Variants in UNC5D observed in about 807,000 individuals in gnomAD.
UNC5D encodes unc-5 netrin receptor D, also known as netrin receptor UNC5D.
In UNC5D, 39 loss-of-function variants were observed where a neutral mutation model predicts 105.4. The observed-to-expected ratio is 0.37, with a 90% confidence interval of 0.29 to 0.48. The LOEUF (loss-of-function observed/expected upper bound fraction) is 0.48. Among genes scored for constraint, UNC5D ranks in the 20% least tolerant of loss-of-function variants. The probability of loss-of-function intolerance (pLI) is 0.98; values close to 1 mark genes in which losing one functional copy is unlikely to be tolerated. For missense variants in UNC5D, 991 were observed against 1,202.4 expected (o/e 0.82, Z 2.60); for synonymous variants, 452 against 450.4 (o/e 1.00, Z -0.04).
chr8:35,507,193 C>T (rs1812374188), intron 1 of UNC5D, among the ~76,000 whole-genome samples: 1 of 149,602 alleles, frequency 6.7e-6, no homozygotes, highest in African/African-American at 2.5e-5. Context: ...GTAGCTGGGA[C>T]TACAGGCGCC....
chr8:35,264,068 C>T (rs1268136751), intron 1 of UNC5D, among the ~76,000 whole-genome samples: 1 of 151,978 alleles, frequency 6.6e-6, no homozygotes, highest in East Asian at 1.9e-4. Flanking sequence ...TTGTTTGGTC[C>T]AGGCAAAAAA....
intron 1 of UNC5D, among the ~76,000 whole-genome samples, chr8:35,312,394 C>G (rs191022759): frequency 6.6e-6 from 1 of 152,292 alleles, no homozygotes; most frequent in Non-Finnish European, 1.5e-5. Flanking sequence ...CAAGATAAAA[C>G]AGCATTGCTT....
At chr8:35,659,125 T>A (rs929472812) in intron 4 of UNC5D, among the ~76,000 whole-genome samples, 2 of 152,162 alleles carry the variant, frequency 1.3e-5, no homozygotes, top group African/African-American at 4.8e-5. Context: ...TTTGTTATAG[T>A]TTTTTTCCCC....
Position 35,662,026 on chromosome 8 carries a change from A to G in UNC5D, c.571-21521A>G, listed in dbSNP as rs371902383. Among the ~76,000 whole-genome samples the G allele has an allele frequency of 3.5e-4, 54 of 152,274 alleles. 1 individual carries two copies. The South Asian group carries it at 7.7e-3, about 22-fold the overall frequency. ...GCCAACATTATCTTCTCACAGGAAA[A>G]AATAGCAATGGGTTGCAAAATACAT... On this transcript the variant is annotated intron_variant, in intron 4 of 16. Transcript: ENST00000404895.
rs566142895 is a variant in UNC5D at position 35,590,033 on chromosome 8, G to T, written c.467-5521G>T. On this transcript the variant is annotated intron_variant, in intron 3 of 16. Transcript: ENST00000404895. ...TGCAAGAGGAAGGACATATATTGAT[G>T]GTTCCAAAATTTGACATTTCTTGAA... 4.6e-5 allele frequency among the ~76,000 whole-genome samples: 7 copies of T among 151,930 alleles called. No individual in the cohort carries two copies. In the East Asian group the frequency reaches 5.8e-4, roughly 13 times the overall value.
At position 35,650,334 on chromosome 8, in the gene UNC5D, C is replaced by G. The variant is rs927113019; in HGVS notation, c.571-33213C>G. Among the ~76,000 whole-genome samples, 3 of 152,102 alleles carry G rather than the reference C, an allele frequency of 2.0e-5. No individual in the cohort carries two copies. The East Asian group carries it at 5.8e-4, about 29-fold the overall frequency. ...CTCTGAGGTCATATACTGTGGGTGT[C>G]AGGAGCCTCCCTTAGCCCTGAAGCA... On this transcript the variant is annotated intron_variant, in intron 4 of 16. Transcript: ENST00000404895.
At chr8:35,483,219 C>T (rs1207238662) in intron 1 of UNC5D, among the ~76,000 whole-genome samples, 1 of 152,020 alleles carries the variant, frequency 6.6e-6, no homozygotes, top group Non-Finnish European at 1.5e-5. Context: ...TATATGGTTA[C>T]AGCACAGGGT....
At chr8:35,377,866 A>G (rs1202198634) in intron 1 of UNC5D, among the ~76,000 whole-genome samples, 1 of 152,200 alleles carries the variant, frequency 6.6e-6, no homozygotes, top group Non-Finnish European at 1.5e-5. Context: ...GAGATAAGTC[A>G]TCAGTCTGTG....
At chr8:35,703,093 C>G (rs1282660014) in intron 7 of UNC5D, among the ~76,000 whole-genome samples, 5 of 151,816 alleles carry the variant, frequency 3.3e-5, no homozygotes, top group African/African-American at 1.2e-4. Flanking sequence ...GAACTAGATA[C>G]AAGTTTTAAC....
intron 1 of UNC5D, among the ~76,000 whole-genome samples, chr8:35,379,839 T>C (rs1462128077): frequency 6.6e-6 from 1 of 151,974 alleles, no homozygotes; most frequent in African/African-American, 2.4e-5. Flanking sequence ...ACAAGGTATG[T>C]TTTGATATAT....
chr8:35,373,481 T>G (rs1277131758), intron 1 of UNC5D, among the ~76,000 whole-genome samples: 6 of 152,342 alleles, frequency 3.9e-5, no homozygotes, highest in African/African-American at 1.4e-4. Context: ...TGCTAGTTAA[T>G]AAACATCACA....
At position 35,284,663 on chromosome 8, in the gene UNC5D, TC is replaced by T. The variant is rs1482255454; in HGVS notation, c.103+48778del. On this transcript the variant is annotated intron_variant, in intron 1 of 16. Coordinates refer to ENST00000404895, the MANE Select transcript of UNC5D (RefSeq NM_080872.4). ...TCCGCCTCCCAGGTTCACGCCATTC[TC>T]CTGCCTCAGCCTCCTGGATAGCTGA... 9.2e-5 allele frequency among the ~76,000 whole-genome samples: 14 copies of T among 152,136 alleles called. 1 individual carries two copies. The highest frequency in any genetic ancestry group is 5.9e-4 in the Admixed American group (9 of 15,268).
At chr8:35,697,002 T>G (rs1218640266) in intron 7 of UNC5D, among the ~76,000 whole-genome samples, 1 of 152,150 alleles carries the variant, frequency 6.6e-6, no homozygotes, top group Non-Finnish European at 1.5e-5. Context: ...TTAACTAGTG[T>G]GTTACCTTGG....
chr8:35,497,102 A>C (rs955757340), intron 1 of UNC5D, among the ~76,000 whole-genome samples: 1 of 152,178 alleles, frequency 6.6e-6, no homozygotes, highest in Non-Finnish European at 1.5e-5. Flanking sequence ...GTGTATTTTT[A>C]TGCTAGGTTT....
At chr8:35,549,201 G>A (rs1815919908) in intron 1 of UNC5D, 91 bp from the exon 2 acceptor site, 1 of 1,196,468 alleles carries the variant, frequency 8.4e-7, no homozygotes. Flanking sequence ...CTCCAGCACA[G>A]AATCTTAGAG....
At chr8:35,513,172 C>G (rs1812872363) in intron 1 of UNC5D, among the ~76,000 whole-genome samples, 1 of 151,802 alleles carries the variant, frequency 6.6e-6, no homozygotes, top group East Asian at 1.9e-4. Flanking sequence ...CCCAAAATAA[C>G]CATGTGCATT....
At chr8:35,609,858 G>C (rs1405657707) in intron 4 of UNC5D, among the ~76,000 whole-genome samples, 1 of 152,156 alleles carries the variant, frequency 6.6e-6, no homozygotes. Context: ...TGTATCAGCT[G>C]GCTTTGTCTC....
At chr8:35,582,103 A>G (rs901189753) in intron 3 of UNC5D, among the ~76,000 whole-genome samples, 2 of 152,180 alleles carry the variant, frequency 1.3e-5, no homozygotes, top group African/African-American at 2.4e-5. Flanking sequence ...TGCTATTCCT[A>G]TGGTTGAACA....
intron 4 of UNC5D, among the ~76,000 whole-genome samples, chr8:35,634,774 C>G (rs905690732): frequency 7.0e-6 from 1 of 142,926 alleles, no homozygotes; most frequent in African/African-American, 2.6e-5. Context: ...TTTTTTCTTT[C>G]CTTTTTTTTG....
Sources: gnomAD v4.1 joint callset for allele counts (sites outside exome capture counted in the v4.1 genomes callset) on GRCh38, gnomAD v4.1.1 for gene constraint, MANE v1.5 for transcripts, NCBI Gene and HGNC (gene_info 2026-07-23, HGNC 2026-07-21) for gene names.